LGI1: variants seen among roughly 807,000 people sequenced by gnomAD.
LGI1 encodes the protein leucine rich glioma inactivated 1.
A neutral mutation model predicts 57.7 loss-of-function variants in LGI1; 11 were observed. That is an observed-to-expected ratio of 0.19 (90% CI 0.12 to 0.32). The LOEUF (loss-of-function observed/expected upper bound fraction) is 0.32. Among genes scored for constraint, LGI1 ranks in the 10% least tolerant of loss-of-function variants. The pLI is 1.00. For missense variants in LGI1, 422 were observed against 661.9 expected (o/e 0.64, Z 3.98); for synonymous variants, 222 against 241.9 (o/e 0.92, Z 0.76).
At chr10:93,782,705 T>A (rs1025148850) in intron 4 of LGI1, 2 of 152,212 alleles carry the variant, frequency 1.3e-5, no homozygotes, top group African/African-American at 4.8e-5. Flanking sequence ...TTAAACACTT[T>A]CTATGAAATT....
chr10:93,783,292 C>A (rs930485070), intron 4 of LGI1, among the ~76,000 whole-genome samples: 1 of 152,124 alleles, frequency 6.6e-6, no homozygotes, highest in Admixed American at 6.5e-5. Context: ...GGGAGAATGG[C>A]GTGAACCCGG....
intron 2 of LGI1, among the ~76,000 whole-genome samples, chr10:93,766,287 A>C (rs11187648): frequency 0.21 from 31,480 of 151,978 alleles, 3,721 homozygotes; most frequent in East Asian, 0.38. Context: ...AAAGGCAATA[A>C]ATCTTTAAAA....
At chr10:93,784,093 A>G (rs532395694) in intron 4 of LGI1, among the ~76,000 whole-genome samples, 1 of 152,356 alleles carries the variant, frequency 6.6e-6, no homozygotes, top group East Asian at 1.9e-4. Flanking sequence ...ACTACAGATA[A>G]TGGAAAGAGA....
intron 4 of LGI1, among the ~76,000 whole-genome samples, chr10:93,783,281 CG>C (rs1018872227): frequency 6.6e-6 from 1 of 152,094 alleles, no homozygotes; most frequent in African/African-American, 2.4e-5. Context: ...GAGGCTGAGG[CG>C]GGAGAATGGC....
At position 93,793,215 on chromosome 10, in the gene LGI1, C is replaced by G; in HGVS notation, c.703C>G (p.Gln235Glu). ...TGCAAAGTCTCAAGACCTGCCTTAT[C>G]AATCATTGTCCATAGACACTTTTTC... ...EFAKSQDLPY[Q>E]SLSIDTFSYL... Residue 235 changes from glutamine to glutamate, a missense_variant, in exon 7 of 8, where the codon CAA becomes GAA. Physicochemically the swap from Gln to Glu is conservative, Grantham distance 29. Transcript: ENST00000371418. 6.2e-7 allele frequency: 1 copy of G among 1,612,896 alleles called. No homozygotes were observed. Among genetic ancestry groups the G allele is most frequent in the Non-Finnish European group, 8.5e-7 (1 of 1,179,356 alleles).
rs528645026 is a variant in LGI1, at chr10:93,777,283, G to C, written c.288-96G>C. ...CAGACAGCCATGCAGACATTTTTCTGTATACAACTCCCACTCATTTTTCTG... is the reference window on the plus strand; with the variant it reads ...CAGACAGCCATGCAGACATTTTTCTCTATACAACTCCCACTCATTTTTCTG... On this transcript the variant is annotated intron_variant, in intron 2 of 7. Transcript: ENST00000371418. The C allele has an allele frequency of 1.4e-5, 15 of 1,041,516 alleles. 1 individual carries two copies. In the African/African-American group the frequency reaches 2.3e-4, roughly 16 times the overall value. 64.5% of individuals were successfully genotyped at this position (1,041,516 alleles called of 1,614,324 possible).
chr10:93,777,572 C>A lies in LGI1; in HGVS notation c.386C>A (p.Ser129Ter). 1 of 1,613,534 alleles carries A rather than the reference C, an allele frequency of 6.2e-7. No individual in the cohort carries two copies. Among genetic ancestry groups the A allele is most frequent in the South Asian group, 1.1e-5 (1 of 91,028 alleles). The change falls in exon 4 of 8, where the codon TCA becomes TAA. Residue 129 changes from serine (S) to a stop codon, truncating the protein, a stop_gained. Coordinates refer to ENST00000371418, the MANE Select transcript of LGI1 (RefSeq NM_005097.4). LOFTEE classifies it high-confidence loss of function. ...TTCATAGAAAACAACAACATCAAGT[C>A]AATTTCAAGACATACTTTCCGGGGA... ...YLFIENNNIKSISRHTFRGLK... is the reference protein window; with the variant it reads ...YLFIENNNIK
chr10:93,780,119 C>A (rs2059833580), intron 4 of LGI1, among the ~76,000 whole-genome samples: 2 of 152,192 alleles, frequency 1.3e-5, no homozygotes, highest in African/African-American at 4.8e-5. Context: ...AGAAATTGGA[C>A]AAATATTTTC....
chr10:93,762,660 A>G (rs2059635484), intron 2 of LGI1: 1 of 152,220 alleles, frequency 6.6e-6, no homozygotes, highest in African/African-American at 2.4e-5. Flanking sequence ...GATGGACCAA[A>G]AAGCAAAAAT....
At chr10:93,766,040 T>C (rs2059673541) in intron 2 of LGI1, among the ~76,000 whole-genome samples, 1 of 152,024 alleles carries the variant, frequency 6.6e-6, no homozygotes, top group Admixed American at 6.5e-5. Flanking sequence ...TACATTAGGT[T>C]GTTCATTGAA....
chr10:93,780,985 A>G (rs1473035910), intron 4 of LGI1, among the ~76,000 whole-genome samples: 2 of 152,166 alleles, frequency 1.3e-5, no homozygotes, highest in African/African-American at 4.8e-5. Flanking sequence ...GTTCACGCCT[A>G]AGAAACAATG....
chr10:93,782,199 G>T (rs72474869), intron 4 of LGI1, among the ~76,000 whole-genome samples: 3,378 of 152,212 alleles, frequency 0.022, 27 homozygotes, highest in Middle Eastern at 0.075. Flanking sequence ...TCCTTTTTAA[G>T]ACTTTAGGCT....
In LGI1 at chr10:93,758,521, ATTT is replaced by A; in HGVS notation, c.215+167_215+169del. ...ACATTTGCTGCATTTAGAATTTTTG[ATTT>A]TTTTAGCTGCTACTGAACATGCTTA... On this transcript the variant is annotated intron_variant, in intron 1 of 7. Coordinates refer to ENST00000371418, the MANE Select transcript of LGI1 (RefSeq NM_005097.4). This position sits in a 1 kb window ranked among gnomAD's most constrained non-coding sequence, Gnocchi z 4.7. 1.2e-6 allele frequency: 1 copy of A among 814,750 alleles called. No homozygotes were observed. The highest frequency in any genetic ancestry group is 2.0e-6 in the Non-Finnish European group (1 of 498,902). The allele number at this position is 814,750 out of a possible 1,614,324, so 50.5% of individuals were successfully genotyped here.
chr10:93,764,497 T>C (rs1255985480), intron 2 of LGI1: 16 of 152,210 alleles, frequency 1.1e-4, no homozygotes, highest in Admixed American at 1.0e-3. Context: ...TAATACGGGC[T>C]ACAGAATGTC....
chr10:93,783,452 G>T (rs1369810440), intron 4 of LGI1, among the ~76,000 whole-genome samples: 2 of 152,194 alleles, frequency 1.3e-5, no homozygotes, highest in African/African-American at 4.8e-5. Context: ...AGAGAATGGT[G>T]CTTAGTTGAA....
chr10:93,759,768 C>A (rs953168718), intron 2 of LGI1, among the ~76,000 whole-genome samples: 1 of 152,120 alleles, frequency 6.6e-6, no homozygotes, highest in African/African-American at 2.4e-5. Context: ...TATTTTCTTG[C>A]CTTACTTGGC....
At chr10:93,774,738 T>A (rs1359423232) in intron 2 of LGI1, among the ~76,000 whole-genome samples, 2 of 152,080 alleles carry the variant, frequency 1.3e-5, no homozygotes, top group African/African-American at 4.8e-5. Flanking sequence ...TTTGTGTAGG[T>A]GGGGTGGGTT....
At chr10:93,773,808 T>TA (rs939456206) in intron 2 of LGI1, among the ~76,000 whole-genome samples, 11 of 151,918 alleles carry the variant, frequency 7.2e-5, no homozygotes, top group African/African-American at 2.7e-4. Context: ...AATGCTTCCC[T>TA]AAAAAAAGAG....
chr10:93,772,242 G>T (rs532837255), intron 2 of LGI1, among the ~76,000 whole-genome samples: 35 of 152,244 alleles, frequency 2.3e-4, no homozygotes, highest in African/African-American at 7.9e-4. Flanking sequence ...TTAAATGTTG[G>T]TGAGGATATG....
Sources: allele counts gnomAD v4.1 joint callset (sites outside exome capture counted in the v4.1 genomes callset), GRCh38; gene constraint gnomAD v4.1.1; non-coding constraint Gnocchi (gnomAD v3.1); transcripts MANE v1.5; gene names NCBI Gene and HGNC (gene_info 2026-07-23, HGNC 2026-07-21).